Variants in AIG1 observed in about 807,000 individuals in gnomAD.
AIG1 encodes androgen induced 1, also known as androgen-induced gene 1 protein.
A neutral mutation model predicts 31.4 loss-of-function variants in AIG1; 23 were observed. The ratio of observed to expected loss-of-function variants is 0.73; its 90% CI spans 0.53 to 1.04. AIG1 has a LOEUF of 1.04. AIG1 is among the 50% of genes least tolerant of loss of function. AIG1 has a pLI of 0.00. For missense variants in AIG1, 274 were observed against 295.0 expected, an observed-to-expected ratio of 0.93 and a Z score of 0.52; for synonymous variants, 100 against 110.5, an observed-to-expected ratio of 0.90 and a Z score of 0.60.
At position 143,106,306 on chromosome 6, in the gene AIG1, T is replaced by C. The variant is rs1020616783; in HGVS notation, c.142-30529T>C. On this transcript the variant is annotated intron_variant, in intron 1 of 5. Coordinates refer to ENST00000357847, the MANE Select transcript of AIG1 (RefSeq NM_016108.4). ...CAGAGAAAAGATATGGAACAGGTTC[T>C]CCCTCACAGCCCATCCTGCCGACAT... 5.3e-5 allele frequency among the ~76,000 whole-genome samples: 8 copies of C among 152,292 alleles called. No homozygotes were observed. The South Asian group carries it at 1.2e-3, about 24-fold the overall frequency.
At chr6:143,111,630 C>T (rs550318046) in intron 1 of AIG1, among the ~76,000 whole-genome samples, 1 of 152,218 alleles carries the variant, frequency 6.6e-6, no homozygotes, top group African/African-American at 2.4e-5. Context: ...ACTACAAACA[C>T]GTATATCCAA....
chr6:143,208,892 G>A (rs1314321692), intron 3 of AIG1, among the ~76,000 whole-genome samples: 1 of 152,088 alleles, frequency 6.6e-6, no homozygotes, highest in Non-Finnish European at 1.5e-5. Flanking sequence ...GGAGTGCTCA[G>A]GGAAGCTGCA....
chr6:143,342,203 G>C, downstream of AIG1: 1 of 648,838 alleles, frequency 1.5e-6, no homozygotes, highest in Non-Finnish European at 2.8e-6. Context: ...GATTACAGGC[G>C]TGAGCCATTG....
intron 3 of AIG1, among the ~76,000 whole-genome samples, chr6:143,255,279 A>G (rs1161342108): frequency 1.3e-5 from 2 of 152,224 alleles, no homozygotes; most frequent in Non-Finnish European, 2.9e-5. Flanking sequence ...CTGCCATAAC[A>G]AAAGACCACA....
chr6:143,168,994 T>C (rs1359294992), intron 3 of AIG1, among the ~76,000 whole-genome samples: 2 of 151,636 alleles, frequency 1.3e-5, no homozygotes, highest in Non-Finnish European at 2.9e-5. Context: ...AAGAAAAATA[T>C]AGTTTTAGAA....
At chr6:143,073,860 C>G (rs1185020092) in intron 1 of AIG1, among the ~76,000 whole-genome samples, 1 of 152,210 alleles carries the variant, frequency 6.6e-6, no homozygotes, top group African/African-American at 2.4e-5. Context: ...ACAAGGACAG[C>G]AACAGGGATG....
Position 143,087,093 on chromosome 6 carries a change from C to T in AIG1, c.141+26027C>T, listed in dbSNP as rs145733761. 3.9e-5 allele frequency among the ~76,000 whole-genome samples: 6 copies of T among 152,242 alleles called. No individual in the cohort carries two copies. The East Asian group carries it at 1.2e-3, about 29-fold the overall frequency. On this transcript the variant is annotated intron_variant, in intron 1 of 5. Coordinates refer to ENST00000357847, the MANE Select transcript of AIG1 (RefSeq NM_016108.4). ...GCCATGCTCATTGTTTTTAACTGGC[C>T]AACAGGTGCCTAGTATTTTCCTTCA...
In AIG1 at chr6:143,284,991, C is replaced by A. The variant is rs931431907; in HGVS notation, c.515+766C>A. Reference sequence around the variant, plus strand: ...GCACAGAGGAGGTCCCTCCTGCCAGCATTTCTGCCTCTTGGGACTCTTTTG... The same window carrying A: ...GCACAGAGGAGGTCCCTCCTGCCAGAATTTCTGCCTCTTGGGACTCTTTTG... On this transcript the variant is annotated intron_variant, in intron 4 of 5. Coordinates refer to ENST00000357847, the MANE Select transcript of AIG1 (RefSeq NM_016108.4). This position sits in a 1 kb window ranked among gnomAD's most constrained non-coding sequence, Gnocchi z 4.4. Among the ~76,000 whole-genome samples, 5 of 152,114 alleles carry A rather than the reference C, an allele frequency of 3.3e-5. No individual in the cohort carries two copies. The highest frequency in any genetic ancestry group is 1.2e-4 in the African/African-American group (5 of 41,420).
At chr6:143,095,310 G>A (rs1178741788) in intron 1 of AIG1, among the ~76,000 whole-genome samples, 3 of 152,028 alleles carry the variant, frequency 2.0e-5, no homozygotes, top group African/African-American at 7.2e-5. Context: ...AATTACTAGT[G>A]CAGGAAGCAA....
intron 3 of AIG1, chr6:143,189,752 T>G (rs1195283063): frequency 2.0e-6 from 2 of 985,014 alleles, no homozygotes; most frequent in Non-Finnish European, 2.4e-6. Context: ...AGAGCCCTCT[T>G]ATATTAATAT....
rs1798577221 is a variant in AIG1, at chr6:143,298,216, T to C, written c.515+13991T>C. The stretch of plus-strand genomic sequence containing the variant: ...TCTGGAGAAATCCAGGAATTGTCAT[T>C]TGTACTCTGTGGAGATCTGATCAGG... On this transcript the variant is annotated intron_variant, in intron 4 of 5. Coordinates refer to ENST00000357847, the MANE Select transcript of AIG1 (RefSeq NM_016108.4). The surrounding 1 kb of genome is among the most constrained non-coding windows in gnomAD (Gnocchi z 5.1). 6.6e-6 allele frequency among the ~76,000 whole-genome samples: 1 copy of C among 152,152 alleles called. No individual in the cohort carries two copies. Among genetic ancestry groups the C allele is most frequent in the South Asian group, 2.1e-4 (1 of 4,828 alleles).
At chr6:143,231,116 C>G (rs1793410497) in intron 3 of AIG1, among the ~76,000 whole-genome samples, 2 of 152,180 alleles carry the variant, frequency 1.3e-5, no homozygotes, top group Admixed American at 1.3e-4. Context: ...ATTGTGTAAA[C>G]TGTAGTAAAT....
At chr6:143,179,675 TC>T (rs1280919776) in intron 3 of AIG1, among the ~76,000 whole-genome samples, 4 of 152,138 alleles carry the variant, frequency 2.6e-5, no homozygotes, top group Non-Finnish European at 4.4e-5. Flanking sequence ...CAGCAACCAA[TC>T]CTAGAATTTA....
At chr6:143,126,318 G>A (rs140371868) in intron 1 of AIG1, 3 of 152,144 alleles carry the variant, frequency 2.0e-5, no homozygotes, top group Admixed American at 6.5e-5. Context: ...AGTGATGATG[G>A]ACTCCCCTGG....
intron 1 of AIG1, among the ~76,000 whole-genome samples, chr6:143,088,639 C>A (rs1425505075): frequency 6.6e-6 from 1 of 152,172 alleles, no homozygotes; most frequent in Non-Finnish European, 1.5e-5. Flanking sequence ...GTGAACAGAA[C>A]AAAGACCTCA....
intron 1 of AIG1, among the ~76,000 whole-genome samples, chr6:143,068,767 T>TACAGGA (rs754061091): frequency 2.6e-5 from 4 of 152,072 alleles, no homozygotes; most frequent in Non-Finnish European, 4.4e-5. Context: ...CTTTAGTACA[T>TACAGGA]ACAGGAACAT....
At chr6:143,213,097 C>T (rs7748824) in intron 3 of AIG1, among the ~76,000 whole-genome samples, 8,002 of 152,136 alleles carry the variant, frequency 0.053, 274 homozygotes, top group Middle Eastern at 0.11. Context: ...TTGTTCTTAG[C>T]GCTTGTGTTT....
At chr6:143,307,101 T>C (rs1157410131) in intron 4 of AIG1, among the ~76,000 whole-genome samples, 2 of 152,170 alleles carry the variant, frequency 1.3e-5, no homozygotes, top group Admixed American at 6.5e-5. Context: ...TATACATTCG[T>C]CTAAATTTTT....
chr6:143,264,212 C>G (rs927460916), intron 3 of AIG1, among the ~76,000 whole-genome samples: 7 of 152,070 alleles, frequency 4.6e-5, no homozygotes, highest in African/African-American at 1.7e-4. Flanking sequence ...TTTTTTCGCC[C>G]CTTTCATCTT....
Sources: gnomAD v4.1 joint callset for allele counts (sites outside exome capture counted in the v4.1 genomes callset) on GRCh38, gnomAD v4.1.1 for gene constraint, Gnocchi (gnomAD v3.1) non-coding constraint, MANE v1.5 for transcripts, NCBI Gene and HGNC (gene_info 2026-07-23, HGNC 2026-07-21) for gene names.